Variants in HMGCLL1 observed in about 807,000 individuals in gnomAD.
HMGCLL1 encodes the protein 3-hydroxy-3-methylglutaryl-CoA lyase like 1.
Under a neutral mutation model 39.1 loss-of-function variants are expected in HMGCLL1, and 36 were observed. That is an observed-to-expected ratio of 0.92 (90% CI 0.71 to 1.22). HMGCLL1 has a LOEUF of 1.22. Among genes scored for constraint, HMGCLL1 ranks in the 50% most tolerant of loss-of-function variants. The probability of loss-of-function intolerance (pLI) is 0.00; values close to 1 mark genes in which losing one functional copy is unlikely to be tolerated. For missense variants in HMGCLL1, 451 were observed against 416.5 expected (o/e 1.08, Z -0.72); for synonymous variants, 149 against 144.0 (o/e 1.03, Z -0.25).
At chr6:55,523,879 C>A (rs1768168685) in intron 3 of HMGCLL1, among the ~76,000 whole-genome samples, 1 of 151,892 alleles carries the variant, frequency 6.6e-6, no homozygotes, top group Non-Finnish European at 1.5e-5. Context: ...AATCTGTTTT[C>A]ATCCATGTGA....
chr6:55,552,397 T>C (rs1195278922), intron 1 of HMGCLL1, among the ~76,000 whole-genome samples: 1 of 152,000 alleles, frequency 6.6e-6, no homozygotes, highest in East Asian at 1.9e-4. Flanking sequence ...GCTATCCAGG[T>C]AGAAACTATT....
chr6:55,567,035 T>C (rs1354984893), intron 1 of HMGCLL1, among the ~76,000 whole-genome samples: 1 of 152,046 alleles, frequency 6.6e-6, no homozygotes, highest in Admixed American at 6.6e-5. Flanking sequence ...AACAGAAAAC[T>C]AAATAAAATA....
chr6:55,475,258 C>A (rs1378365472), intron 7 of HMGCLL1, among the ~76,000 whole-genome samples: 1 of 151,606 alleles, frequency 6.6e-6, no homozygotes, highest in Non-Finnish European at 1.5e-5. Flanking sequence ...TTCTTTTCCT[C>A]TCCTTGCCAG....
chr6:55,491,349 T>TA (rs1443141587), intron 7 of HMGCLL1, among the ~76,000 whole-genome samples: 2 of 151,910 alleles, frequency 1.3e-5, no homozygotes, highest in Admixed American at 6.6e-5. Flanking sequence ...TAAAGTATAA[T>TA]AAAAAAAGAG....
chr6:55,495,748 G>A, intron 6 of HMGCLL1, 141 bp from the exon 7 acceptor site: 1 of 516,518 alleles, frequency 1.9e-6, no homozygotes, highest in Non-Finnish European at 3.3e-6. Context: ...TGTATTTTCT[G>A]GTCCTTTTTC....
intron 1 of HMGCLL1, among the ~76,000 whole-genome samples, chr6:55,543,593 TATA>T (rs1339334325): frequency 1.3e-5 from 1 of 76,130 alleles, no homozygotes; most frequent in Non-Finnish European, 3.0e-5. Context: ...TTTATATATA[TATA>T]TTTTTTTGCC....
chr6:55,539,382 A>G (rs183606061), intron 3 of HMGCLL1, among the ~76,000 whole-genome samples: 98 of 152,312 alleles, frequency 6.4e-4, no homozygotes, highest in African/African-American at 2.3e-3. Context: ...ATAAAGACAC[A>G]TGCATGTGAA....
At chr6:55,669,941 TA>T in the HMGCLL1 span, among the ~76,000 whole-genome samples, 4 of 151,844 alleles carry the variant, frequency 2.6e-5, no homozygotes, top group East Asian at 7.7e-4. Flanking sequence ...TGTGAAAAAG[TA>T]ACAGCTAAAA....
At chr6:55,582,617 A>G (rs1772004126), upstream of HMGCLL1, among the ~76,000 whole-genome samples, 1 of 152,082 alleles carries the variant, frequency 6.6e-6, no homozygotes, top group Non-Finnish European at 1.5e-5. Flanking sequence ...TGTTTCCCCA[A>G]GTTTTAGGAT....
At chr6:55,608,107 T>C in the HMGCLL1 span, among the ~76,000 whole-genome samples, 1 of 152,208 alleles carries the variant, frequency 6.6e-6, no homozygotes, top group African/African-American at 2.4e-5. Context: ...ACATCTAGGA[T>C]ATACATCTTG....
intron 4 of HMGCLL1, 130 bp from the exon 5 acceptor site, chr6:55,514,326 G>A: frequency 1.6e-6 from 1 of 622,012 alleles, no homozygotes; most frequent in Non-Finnish European, 2.6e-6. Flanking sequence ...ATTTAAAATT[G>A]GATTCCTCTC....
At chr6:55,617,774 G>A in the HMGCLL1 span, among the ~76,000 whole-genome samples, 1 of 152,022 alleles carries the variant, frequency 6.6e-6, no homozygotes, top group African/African-American at 2.4e-5. Flanking sequence ...CCCTTCTAGA[G>A]AGCTCCATGC....
At chr6:55,444,529 T>A (rs769407713) in intron 7 of HMGCLL1, among the ~76,000 whole-genome samples, 2 of 151,974 alleles carry the variant, frequency 1.3e-5, no homozygotes, top group East Asian at 3.9e-4. Context: ...TTTAACTGCA[T>A]GATTAAGGGA....
the HMGCLL1 span, among the ~76,000 whole-genome samples, chr6:55,586,420 G>A: frequency 6.6e-6 from 1 of 151,236 alleles, no homozygotes; most frequent in African/African-American, 2.4e-5. Flanking sequence ...TATACTTTAA[G>A]TTTTAAGGTA....
the HMGCLL1 span, among the ~76,000 whole-genome samples, chr6:55,638,676 GT>G: frequency 6.6e-6 from 1 of 152,130 alleles, no homozygotes; most frequent in Non-Finnish European, 1.5e-5. Flanking sequence ...TTTATATAAT[GT>G]AGATAAGGCT....
At chr6:55,483,475 G>A (rs545731382) in intron 7 of HMGCLL1, among the ~76,000 whole-genome samples, 1 of 152,224 alleles carries the variant, frequency 6.6e-6, no homozygotes, top group South Asian at 2.1e-4. Context: ...CATGTTGCCA[G>A]GATGGTCCCG....
At chr6:55,579,895 C>A (rs1052149667), upstream of HMGCLL1, among the ~76,000 whole-genome samples, 2 of 152,112 alleles carry the variant, frequency 1.3e-5, no homozygotes, top group Non-Finnish European at 2.9e-5. Context: ...AGCCTTCGAG[C>A]AGACCACCGG....
intron 7 of HMGCLL1, among the ~76,000 whole-genome samples, chr6:55,449,265 T>A (rs1232946952): frequency 2.6e-5 from 4 of 152,194 alleles, no homozygotes; most frequent in Admixed American, 2.6e-4. Context: ...GTGACTACAG[T>A]CTAGCCAATG....
intron 6 of HMGCLL1, among the ~76,000 whole-genome samples, chr6:55,498,766 T>A (rs1423896902): frequency 6.6e-6 from 1 of 152,134 alleles, no homozygotes. Flanking sequence ...AGCAACTTAA[T>A]CACAGCAGTA....
Sources: allele counts gnomAD v4.1 joint callset (sites outside exome capture counted in the v4.1 genomes callset), GRCh38; gene constraint gnomAD v4.1.1; transcripts MANE v1.5; gene names NCBI Gene and HGNC (gene_info 2026-07-23, HGNC 2026-07-21).